Variants in NTRK3 observed in about 807,000 individuals in gnomAD.
NTRK3 encodes the protein neurotrophic receptor tyrosine kinase 3.
Under a neutral mutation model 91.7 loss-of-function variants are expected in NTRK3, and 24 were observed. That is an observed-to-expected ratio of 0.26 (90% CI 0.19 to 0.37). The LOEUF (loss-of-function observed/expected upper bound fraction) is 0.37. Among genes scored for constraint, NTRK3 ranks in the 10% least tolerant of loss-of-function variants. The probability of loss-of-function intolerance (pLI) is 1.00; values close to 1 mark genes in which losing one functional copy is unlikely to be tolerated. For missense variants in NTRK3, 880 were observed against 1,068.9 expected, an observed-to-expected ratio of 0.82 and a Z score of 2.46; for synonymous variants, 483 against 404.0, an observed-to-expected ratio of 1.20 and a Z score of -2.34.
intron 16 of NTRK3, 24 bp from the exon 17 acceptor site, chr15:87,929,458 A>AG: frequency 6.2e-7 from 1 of 1,612,504 alleles, no homozygotes; most frequent in Non-Finnish European, 8.5e-7. Context: ...GGGAGAAGAG[A>AG]GGGGGCAGAG....
intron 14 of NTRK3, among the ~76,000 whole-genome samples, chr15:87,988,208 C>A (rs189469455): frequency 1.3e-5 from 2 of 152,312 alleles, no homozygotes; most frequent in East Asian, 3.9e-4. Flanking sequence ...GGTCTTCCTT[C>A]CCAATATCCC....
intron 14 of NTRK3, among the ~76,000 whole-genome samples, chr15:88,020,400 C>T (rs997883933): frequency 1.6e-4 from 25 of 152,154 alleles, no homozygotes; most frequent in Admixed American, 3.3e-4. Context: ...GCTGTGGAGC[C>T]GGGTGATAAA....
intron 14 of NTRK3, among the ~76,000 whole-genome samples, chr15:87,969,592 A>G (rs1189297204): frequency 1.3e-5 from 2 of 152,162 alleles, no homozygotes; most frequent in Admixed American, 6.5e-5. Context: ...CTTCTGTGCT[A>G]TAAATAATTC....
intron 10 of NTRK3, among the ~76,000 whole-genome samples, chr15:88,131,072 A>C (rs1421710542): frequency 6.6e-6 from 1 of 152,246 alleles, no homozygotes; most frequent in African/African-American, 2.4e-5. Context: ...AAAAAGAAAC[A>C]CAGATTACTA....
chr15:88,014,704 C>T (rs2077108076), intron 14 of NTRK3, among the ~76,000 whole-genome samples: 2 of 152,200 alleles, frequency 1.3e-5, no homozygotes, highest in African/African-American at 4.8e-5. Flanking sequence ...CTCTCAGGTG[C>T]TCAAGGAATA....
chr15:88,217,771 T>TTTTTC (rs1228414273), intron 3 of NTRK3, among the ~76,000 whole-genome samples: 1 of 151,504 alleles, frequency 6.6e-6, no homozygotes, highest in African/African-American at 2.4e-5. Context: ...ACAATTTTTT[T>TTTTTC]TTTTTGAGGC....
At chr15:88,064,917 T>G (rs16941212) in intron 13 of NTRK3, among the ~76,000 whole-genome samples, 60,882 of 152,036 alleles carry the variant, frequency 0.4, 12,365 homozygotes, top group Non-Finnish European at 0.42. Flanking sequence ...AATAATACTT[T>G]CAGACTGAGG....
At chr15:88,177,644 G>A (rs1344095947) in intron 5 of NTRK3, among the ~76,000 whole-genome samples, 2 of 152,172 alleles carry the variant, frequency 1.3e-5, no homozygotes, top group East Asian at 1.9e-4. Context: ...CAAGAATCCT[G>A]TCTTGGCCAG....
intron 10 of NTRK3, among the ~76,000 whole-genome samples, chr15:88,130,131 T>A (rs1162898964): frequency 6.6e-6 from 1 of 152,220 alleles, no homozygotes; most frequent in East Asian, 1.9e-4. Context: ...TTTCTGTTGT[T>A]TAAGCCACCC....
chr15:88,062,060 G>A (rs532194609), intron 13 of NTRK3, among the ~76,000 whole-genome samples: 9 of 152,188 alleles, frequency 5.9e-5, no homozygotes, highest in East Asian at 3.9e-4. Flanking sequence ...AACTATTTAC[G>A]TAGCGCTTAC....
chr15:87,863,409 G>A (rs541169904), exon 19 of NTRK3: 1 of 225,838 alleles, frequency 4.4e-6, no homozygotes, highest in Non-Finnish European at 8.8e-6. Context: ...CCCAGGCTTC[G>A]CTGCAGAATT....
At chr15:87,909,629 T>C (rs187789250) in intron 17 of NTRK3, among the ~76,000 whole-genome samples, 1 of 152,278 alleles carries the variant, frequency 6.6e-6, no homozygotes, top group Admixed American at 6.5e-5. Flanking sequence ...GACTGAACTG[T>C]GTGCCCCCCA....
At chr15:88,176,167 T>TCA (rs1232312316) in intron 5 of NTRK3, among the ~76,000 whole-genome samples, 1 of 131,144 alleles carries the variant, frequency 7.6e-6, no homozygotes, top group Non-Finnish European at 1.5e-5. Flanking sequence ...AGACAGAGTC[T>TCA]CACTCTGTCA....
exon 19 of NTRK3, chr15:87,870,225 T>C (rs1046843909): frequency 5.4e-6 from 1 of 185,322 alleles, no homozygotes; most frequent in African/African-American, 2.4e-5. Flanking sequence ...CACAAACATA[T>C]ATATGTATGA....
At chr15:87,912,931 A>AATATATAT (rs58367924) in intron 17 of NTRK3, among the ~76,000 whole-genome samples, 1,571 of 35,368 alleles carry the variant, frequency 0.044, 86 homozygotes, top group Non-Finnish European at 0.048. Context: ...AGTAAAAAAA[A>AATATATAT]ATATATATAT....
At chr15:88,047,490 T>C (rs895352407) in intron 13 of NTRK3, among the ~76,000 whole-genome samples, 8 of 152,196 alleles carry the variant, frequency 5.3e-5, no homozygotes, top group African/African-American at 1.4e-4. Context: ...TTTTGAAATT[T>C]TGTGACTTCT....
exon 3 of NTRK3, chr15:88,256,127 C>T: frequency 1.3e-6 from 2 of 1,568,498 alleles, no homozygotes; most frequent in East Asian, 2.4e-5. Context: ...AGAAACTACA[C>T]TTGGCTGGGC....
Position 88,233,959 on chromosome 15 carries a change from A to G in NTRK3, c.248+21947T>C, listed in dbSNP as rs987579248. 1.3e-5 allele frequency among the ~76,000 whole-genome samples: 2 copies of G among 152,236 alleles called. No individual in the cohort carries two copies. The highest frequency in any genetic ancestry group is 2.9e-5 in the Non-Finnish European group (2 of 68,046). The stretch of plus-strand genomic sequence containing the variant: ...GCGTTGTTTCCTCTTTAATATTTAA[A>G]CATGTTAATTAAATCTCCGAATAAA... On this transcript the variant is annotated intron_variant, in intron 3 of 18. Transcript: ENST00000394480. The surrounding 1 kb of genome is among the most constrained non-coding windows in gnomAD (Gnocchi z 4.2).
intron 14 of NTRK3, among the ~76,000 whole-genome samples, chr15:88,024,179 A>C (rs191838153): frequency 2.8e-4 from 43 of 152,332 alleles, no homozygotes; most frequent in African/African-American, 9.6e-4. Context: ...AAAGGAGGAG[A>C]TAAGCCGCTT....
Sources: allele counts gnomAD v4.1 joint callset (sites outside exome capture counted in the v4.1 genomes callset), GRCh38; gene constraint gnomAD v4.1.1; non-coding constraint Gnocchi (gnomAD v3.1); transcripts MANE v1.5; gene names NCBI Gene and HGNC (gene_info 2026-07-23, HGNC 2026-07-21).